Variants in ZNF599 observed in about 807,000 individuals in gnomAD.
ZNF599 encodes the protein zinc finger protein 599.
In ZNF599, 10 loss-of-function variants were observed where a neutral mutation model predicts 11.7. The ratio of observed to expected loss-of-function variants is 0.86; its 90% CI spans 0.53 to 1.45. ZNF599 has a LOEUF of 1.45. ZNF599 is among the 40% of genes most tolerant of loss of function. ZNF599 has a pLI of 0.00. For synonymous variants in ZNF599, 232 were observed against 253.2 expected (o/e 0.92, Z 0.79); for missense variants, 688 against 713.6 (o/e 0.96, Z 0.41).
intron 3 of ZNF599, chr19:34,765,413 G>A (rs2069136419): frequency 1.6e-6 from 1 of 614,922 alleles, no homozygotes; most frequent in South Asian, 1.9e-5. Context: ...GCTATGAGCT[G>A]CCTATGACAC....
chr19:34,765,378 A>G (rs2069136233), intron 3 of ZNF599: 8 of 569,820 alleles, frequency 1.4e-5, no homozygotes, highest in Non-Finnish European at 2.5e-5. Flanking sequence ...CTTGATTTGA[A>G]GAAGTGAGCT....
chr19:34,767,388 G>A lies in ZNF599; in HGVS notation c.169C>T (p.Leu57=). The change falls in exon 3 of 4, where the codon CTG becomes TTG. Residue 57 remains leucine, a synonymous_variant. Coordinates refer to ENST00000329285, the MANE Select transcript of ZNF599 (RefSeq NM_001007248.3). Reference sequence around the variant, plus strand: ...TGTCCATGTTCCAGTAGATAGATCAGCTCTGGTTTGGGAACAGGATGCCCT... The same window carrying A: ...TGTCCATGTTCCAGTAGATAGATCAACTCTGGTTTGGGAACAGGATGCCCT... ...SLGHPVPKPE[L]IYLLEHGQEL... is the part of the protein sequence containing the mutation. The A allele has an allele frequency of 6.2e-7, 1 of 1,614,138 alleles. No individual in the cohort carries two copies. The highest frequency in any genetic ancestry group is 8.5e-7 in the Non-Finnish European group (1 of 1,179,988).
chr19:34,789,460 C>T, the ZNF599 span, among the ~76,000 whole-genome samples: 1 of 152,336 alleles, frequency 6.6e-6, no homozygotes, highest in African/African-American at 2.4e-5. Context: ...TACTAATTTA[C>T]ATTACCACCA....
the ZNF599 span, among the ~76,000 whole-genome samples, chr19:34,803,665 T>C: frequency 6.6e-6 from 1 of 152,156 alleles, no homozygotes; most frequent in African/African-American, 2.4e-5. Flanking sequence ...GTGTCTGTGC[T>C]CAACAATAAG....
chr19:34,765,116 A>C (rs1555768398), intron 3 of ZNF599: 1 of 153,430 alleles, frequency 6.5e-6, no homozygotes, highest in Non-Finnish European at 1.5e-5. Flanking sequence ...AGAGGGGATG[A>C]AAATATAGAA....
intron 1 of ZNF599, chr19:34,772,306 CT>C: frequency 1.0e-6 from 1 of 988,702 alleles, no homozygotes; most frequent in East Asian, 1.1e-4. Flanking sequence ...GTCTTCTAGC[CT>C]CCTGCCAAAA....
chr19:34,777,293 C>A (rs2069220393), upstream of ZNF599, among the ~76,000 whole-genome samples: 1 of 100,846 alleles, frequency 9.9e-6, no homozygotes, highest in African/African-American at 3.7e-5. Context: ...AAAAATTGAT[C>A]ATGTTTTGTA....
chr19:34,798,031 G>C, the ZNF599 span, among the ~76,000 whole-genome samples: 1 of 152,140 alleles, frequency 6.6e-6, no homozygotes, highest in Non-Finnish European at 1.5e-5. Context: ...TAGGAATCTT[G>C]GTGATGTGAA....
chr19:34,781,143 G>A, the ZNF599 span, among the ~76,000 whole-genome samples: 3 of 150,222 alleles, frequency 2.0e-5, no homozygotes, highest in African/African-American at 2.4e-5. Flanking sequence ...GTGATAGAGC[G>A]AGACTCTGTC....
the ZNF599 span, among the ~76,000 whole-genome samples, chr19:34,795,162 G>A: frequency 6.6e-6 from 1 of 152,188 alleles, no homozygotes; most frequent in Admixed American, 6.5e-5. Flanking sequence ...GCTATTAAAG[G>A]CCATAGTAAG....
At chr19:34,766,957 C>T in intron 3 of ZNF599, 1 of 192,392 alleles carries the variant, frequency 5.2e-6, no homozygotes, top group South Asian at 1.4e-4. Flanking sequence ...AAAAACAAAA[C>T]AAAACGAAAC....
At position 34,759,694 on chromosome 19, in the gene ZNF599, A is replaced by G; in HGVS notation, c.1107T>C (p.Cys369=). The change falls in exon 4 of 4, where the codon TGT becomes TGC. Residue 369 remains cysteine, a synonymous_variant. Coordinates refer to ENST00000329285, the MANE Select transcript of ZNF599 (RefSeq NM_001007248.3). Reference sequence around the variant, plus strand: ...GGCAAAAGGTTTTTCCACATTCTTTACATAAAAATGGTTTTTCTCCTGTGT... The same window carrying G: ...GGCAAAAGGTTTTTCCACATTCTTTGCATAAAAATGGTTTTTCTCCTGTGT... ...VTHTGEKPFL[C]KECGKTFCLN... 6.2e-7 allele frequency: 1 copy of G among 1,613,856 alleles called. No individual in the cohort carries two copies.
At chr19:34,786,086 C>T in the ZNF599 span, among the ~76,000 whole-genome samples, 1 of 152,152 alleles carries the variant, frequency 6.6e-6, no homozygotes, top group Admixed American at 6.5e-5. Context: ...AACCTCTGCA[C>T]AGTCCTTCCC....
In ZNF599 at chr19:34,759,612, A is replaced by T; in HGVS notation, c.1189T>A (p.Cys397Ser). 1.2e-6 allele frequency: 2 copies of T among 1,613,872 alleles called. No homozygotes were observed. The highest frequency in any genetic ancestry group is 2.2e-5 in the South Asian group (2 of 91,064). ...GTAAAGGCCTTTCCACATTCACCGC[A>T]CTCATAGGGTTTCTCTCCAGTGTGA... ...RIHTGEKPYE[C>S]GECGKAFTHR... The change falls in exon 4 of 4, where the codon TGC becomes AGC. Residue 397 changes from cysteine to serine, a missense_variant. Transcript: ENST00000329285.
intron 2 of ZNF599, 28 bp from the exon 3 acceptor site, chr19:34,767,439 G>C: frequency 6.4e-7 from 1 of 1,567,928 alleles, no homozygotes; most frequent in Non-Finnish European, 8.8e-7. Flanking sequence ...AATGGAGTAT[G>C]GTGTACAGGG....
At chr19:34,781,816 TTAA>T in the ZNF599 span, among the ~76,000 whole-genome samples, 1 of 152,160 alleles carries the variant, frequency 6.6e-6, no homozygotes, top group Non-Finnish European at 1.5e-5. Context: ...TCAGGGACTA[TTAA>T]TGGAAATGCA....
the ZNF599 span, among the ~76,000 whole-genome samples, chr19:34,783,989 C>T: frequency 6.6e-6 from 1 of 152,184 alleles, no homozygotes; most frequent in Non-Finnish European, 1.5e-5. Flanking sequence ...GCAAATGCAA[C>T]CAGGAGCTCA....
At chr19:34,790,606 A>G in the ZNF599 span, among the ~76,000 whole-genome samples, 5 of 152,152 alleles carry the variant, frequency 3.3e-5, no homozygotes, top group Admixed American at 6.5e-5. Context: ...TGGGGGGAGG[A>G]GGAGAGGAAG....
chr19:34,760,891 T>C (rs1215281402), intron 3 of ZNF599, among the ~76,000 whole-genome samples: 2 of 152,134 alleles, frequency 1.3e-5, no homozygotes, highest in Admixed American at 6.5e-5. Flanking sequence ...CATGGTGCTA[T>C]GACAATGTAG....
Sources: gnomAD v4.1 joint callset for allele counts (sites outside exome capture counted in the v4.1 genomes callset) on GRCh38, gnomAD v4.1.1 for gene constraint, MANE v1.5 for transcripts, NCBI Gene and HGNC (gene_info 2026-07-23, HGNC 2026-07-21) for gene names.